CALN1: variants seen among roughly 807,000 people sequenced by gnomAD.
The protein encoded by CALN1 is calcium-binding protein 8.
Under a neutral mutation model 30.6 loss-of-function variants are expected in CALN1, and 17 were observed. The observed-to-expected ratio is 0.56, with a 90% confidence interval of 0.38 to 0.83. The LOEUF (loss-of-function observed/expected upper bound fraction) is 0.83. Ranked by LOEUF, CALN1 falls within the 40% of genes least tolerant of loss-of-function variation. The pLI, the probability that CALN1 is intolerant of heterozygous loss-of-function variation, is 0.00. For synonymous variants in CALN1, 156 were observed against 131.4 expected, an observed-to-expected ratio of 1.19 and a Z score of -1.28; for missense variants, 291 against 354.9, an observed-to-expected ratio of 0.82 and a Z score of 1.45.
intron 2 of CALN1, among the ~76,000 whole-genome samples, chr7:72,349,779 A>C (rs965087809): frequency 6.6e-6 from 1 of 152,092 alleles, no homozygotes; most frequent in African/African-American, 2.4e-5. Flanking sequence ...CCACTTTGTT[A>C]TGGGGTTGTC....
chr7:72,472,611 C>CCT, the CALN1 span, among the ~76,000 whole-genome samples: 19,287 of 152,022 alleles, frequency 0.13, 2,476 homozygotes, highest in African/African-American at 0.33. Context: ...ACGGTGAACC[C>CCT]GTCTCTACTA....
At chr7:72,268,087 C>T (rs1037421291) in intron 3 of CALN1, among the ~76,000 whole-genome samples, 1 of 152,134 alleles carries the variant, frequency 6.6e-6, no homozygotes, top group Non-Finnish European at 1.5e-5. Flanking sequence ...AGTTAATCCA[C>T]ATAAAACACT....
At chr7:72,236,860 A>T (rs543422035) in intron 3 of CALN1, among the ~76,000 whole-genome samples, 1 of 152,240 alleles carries the variant, frequency 6.6e-6, no homozygotes, top group Non-Finnish European at 1.5e-5. Context: ...TCTTTGGCCA[A>T]GGGATAGATT....
At chr7:72,157,946 T>C (rs1272646050) in intron 3 of CALN1, among the ~76,000 whole-genome samples, 3 of 152,162 alleles carry the variant, frequency 2.0e-5, no homozygotes, top group African/African-American at 7.2e-5. Flanking sequence ...GGTTTCACAA[T>C]GTTGGCCAGG....
intron 5 of CALN1, among the ~76,000 whole-genome samples, chr7:72,008,799 G>A (rs2129529056): frequency 6.6e-6 from 1 of 151,920 alleles, no homozygotes; most frequent in Admixed American, 6.6e-5. Flanking sequence ...GGGATTACAG[G>A]TGCCCGCCAC....
Position 71,786,377 on chromosome 7 carries a change from G to A in CALN1, c.*1398C>T, listed in dbSNP as rs1792980863. ...GGAACTATTACATCTAGAGATTACT[G>A]GCTAATCTGACTACACAAGCTTGAA... is the stretch of plus-strand genomic sequence containing the variant. On this transcript the variant is annotated 3_prime_UTR_variant, in exon 7 of 7. Transcript: ENST00000395275. 6.6e-6 allele frequency: 1 copy of A among 152,188 alleles called. No homozygotes were observed. Among genetic ancestry groups the A allele is most frequent in the Non-Finnish European group, 1.5e-5 (1 of 68,034 alleles). 9.4% of individuals were successfully genotyped at this position (152,188 alleles called of 1,614,324 possible).
chr7:71,911,062 C>A (rs973709409), intron 5 of CALN1, among the ~76,000 whole-genome samples: 3 of 152,084 alleles, frequency 2.0e-5, no homozygotes, highest in Admixed American at 2.0e-4. Flanking sequence ...TTCAACAAAC[C>A]CCCAAATTCA....
At chr7:72,066,298 G>A (rs575687726) in intron 4 of CALN1, among the ~76,000 whole-genome samples, 1 of 152,178 alleles carries the variant, frequency 6.6e-6, no homozygotes, top group African/African-American at 2.4e-5. Context: ...ACAGAGCCCT[G>A]GGGCACGTTA....
At chr7:71,850,192 C>A (rs571795535) in intron 5 of CALN1, among the ~76,000 whole-genome samples, 1 of 152,016 alleles carries the variant, frequency 6.6e-6, no homozygotes, top group African/African-American at 2.4e-5. Flanking sequence ...GATCTGAGTG[C>A]GTAATATACT....
intron 3 of CALN1, among the ~76,000 whole-genome samples, chr7:72,124,657 A>G (rs1379016706): frequency 1.3e-5 from 2 of 152,008 alleles, no homozygotes; most frequent in African/African-American, 4.8e-5. Context: ...TTCTCTAAAT[A>G]GTAATAATAA....
chr7:71,924,724 C>G (rs927056643), intron 5 of CALN1, among the ~76,000 whole-genome samples: 3 of 152,030 alleles, frequency 2.0e-5, no homozygotes, highest in Non-Finnish European at 4.4e-5. Flanking sequence ...TCAAATAATA[C>G]AATGCTCATT....
the CALN1 span, among the ~76,000 whole-genome samples, chr7:72,500,269 C>CTTTTTTT: frequency 0.014 from 743 of 51,382 alleles, 198 homozygotes; most frequent in East Asian, 0.037. Flanking sequence ...TTCGTTCCTT[C>CTTTTTTT]TTTTTTTTTT....
chr7:72,012,596 A>G (rs1364061778), intron 5 of CALN1, among the ~76,000 whole-genome samples: 1 of 152,196 alleles, frequency 6.6e-6, no homozygotes, highest in African/African-American at 2.4e-5. Context: ...CCAAAATATG[A>G]GTTTTCAGCA....
chr7:72,340,702 C>T (rs918362794), intron 2 of CALN1, among the ~76,000 whole-genome samples: 5 of 152,174 alleles, frequency 3.3e-5, no homozygotes, highest in African/African-American at 1.2e-4. Flanking sequence ...TATGGTTTGG[C>T]TGTGTCCCCT....
chr7:72,321,188 A>T (rs1185167487), intron 2 of CALN1, among the ~76,000 whole-genome samples: 1 of 150,038 alleles, frequency 6.7e-6, no homozygotes, highest in Non-Finnish European at 1.5e-5. Context: ...AGCACTGTCT[A>T]TTTGAGTCCT....
In CALN1 at chr7:72,403,421, C is replaced by T. The variant is rs1806483668; in HGVS notation, c.-52G>A. The T allele has an allele frequency of 7.0e-7, 1 of 1,438,278 alleles. No homozygotes were observed. Among genetic ancestry groups the T allele is most frequent in the Non-Finnish European group, 9.4e-7 (1 of 1,062,888 alleles). 89.1% of individuals were successfully genotyped at this position (1,438,278 alleles called of 1,614,324 possible). On this transcript the variant is annotated 5_prime_UTR_variant, in exon 2 of 7. Transcript: ENST00000395275. ...GAGAGTTAGAAGCTCATCAAAGGAA[C>T]GTCAGCGAAGGCACTGAGACTCTGA... is the stretch of plus-strand genomic sequence containing the variant.
At chr7:71,930,559 C>T (rs1020381701) in intron 5 of CALN1, among the ~76,000 whole-genome samples, 1 of 152,140 alleles carries the variant, frequency 6.6e-6, no homozygotes, top group Non-Finnish European at 1.5e-5. Flanking sequence ...ATTTTTAATA[C>T]ACTTTTTAAT....
intron 2 of CALN1, among the ~76,000 whole-genome samples, chr7:72,398,819 G>C (rs1236313014): frequency 6.6e-6 from 1 of 152,180 alleles, no homozygotes; most frequent in Non-Finnish European, 1.5e-5. Flanking sequence ...TATGACTTTA[G>C]AAAAGTTTCT....
intron 4 of CALN1, chr7:72,103,329 C>CA (rs1563060119): frequency 5.7e-6 from 1 of 175,400 alleles, no homozygotes; most frequent in Non-Finnish European, 1.3e-5. Context: ...ACTCTGGACT[C>CA]ATTCAGCAAG....
Sources: gnomAD v4.1 joint callset for allele counts (sites outside exome capture counted in the v4.1 genomes callset) on GRCh38, gnomAD v4.1.1 for gene constraint, MANE v1.5 for transcripts, NCBI Gene and HGNC (gene_info 2026-07-23, HGNC 2026-07-21) for gene names.